Variants in ETV6 observed in about 807,000 individuals in gnomAD.
ETV6 encodes the protein transcription factor ETV6.
Under a neutral mutation model 51.1 loss-of-function variants are expected in ETV6, and 16 were observed. The ratio of observed to expected loss-of-function variants is 0.31; its 90% CI spans 0.21 to 0.48. The LOEUF (loss-of-function observed/expected upper bound fraction) is 0.48. Ranked by LOEUF, ETV6 falls within the 20% of genes least tolerant of loss-of-function variation. ETV6 has a pLI of 0.99. For synonymous variants in ETV6, 240 were observed against 224.1 expected (o/e 1.07, Z -0.64); for missense variants, 458 against 594.8 (o/e 0.77, Z 2.39).
intron 5 of ETV6, among the ~76,000 whole-genome samples, chr12:11,874,927 A>T (rs1268737679): frequency 6.7e-6 from 1 of 149,620 alleles, no homozygotes; most frequent in East Asian, 2.0e-4. Context: ...GGATAGCATT[A>T]GGAGATATAC....
chr12:11,753,218 G>A (rs1866072828), intron 2 of ETV6, among the ~76,000 whole-genome samples: 1 of 152,022 alleles, frequency 6.6e-6, no homozygotes, highest in Admixed American at 6.6e-5. Context: ...TCTACCCCTT[G>A]GCCTACCACT....
chr12:11,870,114 T>TTAG (rs1037429932), intron 5 of ETV6, 145 bp downstream of exon 5: 2 of 908,542 alleles, frequency 2.2e-6, no homozygotes, highest in African/African-American at 3.4e-5. Context: ...GGCTTCTGCT[T>TTAG]GGATGAGGCT....
chr12:11,856,736 A>G (rs1205326453), intron 4 of ETV6, among the ~76,000 whole-genome samples: 1 of 152,204 alleles, frequency 6.6e-6, no homozygotes, highest in African/African-American at 2.4e-5. Flanking sequence ...TGTTTCCAGA[A>G]TCAATACTGT....
intron 5 of ETV6, among the ~76,000 whole-genome samples, chr12:11,881,875 A>T (rs1004211100): frequency 2.6e-5 from 4 of 152,224 alleles, no homozygotes; most frequent in Non-Finnish European, 5.9e-5. Context: ...GATTATTCTC[A>T]GTCTGCAGTA....
chr12:11,651,528 T>G (rs937120987), intron 1 of ETV6, among the ~76,000 whole-genome samples: 1 of 152,222 alleles, frequency 6.6e-6, no homozygotes, highest in African/African-American at 2.4e-5. Context: ...AATGGAACTT[T>G]TAGGCTTTTG....
At chr12:11,704,359 C>CT (rs1322715769) in intron 1 of ETV6, among the ~76,000 whole-genome samples, 2 of 151,870 alleles carry the variant, frequency 1.3e-5, no homozygotes, top group Non-Finnish European at 2.9e-5. Flanking sequence ...GCCTTTTTTT[C>CT]TTTTTTTGAC....
chr12:11,869,541 C>T lies in ETV6; in HGVS notation c.581C>T (p.Pro194Leu), dbSNP rs192765271. 2 of 1,614,176 alleles carry T rather than the reference C, an allele frequency of 1.2e-6. No homozygotes were observed. Among genetic ancestry groups the T allele is most frequent in the Non-Finnish European group, 1.7e-6 (2 of 1,180,032 alleles). Residue 194 changes from proline to leucine, a missense_variant, in exon 5 of 8, where the codon CCT becomes CTT. Transcript: ENST00000396373. The surrounding 1 kb of genome is among the most constrained non-coding windows in gnomAD (Gnocchi z 5.0). ...SPITTNHRPS[P>L]DPEQRPLRSP... ...ATCACGACAAATCACCGGCCTTCTC[C>T]TGACCCCGAGCAGCGGCCCCTCCGG...
At chr12:11,656,763 C>T (rs889395966) in intron 1 of ETV6, among the ~76,000 whole-genome samples, 2 of 152,000 alleles carry the variant, frequency 1.3e-5, no homozygotes, top group Non-Finnish European at 1.5e-5. Flanking sequence ...TGCCCGGCCT[C>T]GGGCTAGACA....
intron 1 of ETV6, among the ~76,000 whole-genome samples, chr12:11,666,911 T>A (rs1371432318): frequency 2.0e-5 from 3 of 152,252 alleles, no homozygotes; most frequent in African/African-American, 4.8e-5. Context: ...TTGGCCTGTC[T>A]GTCCACTCAG....
intron 1 of ETV6, among the ~76,000 whole-genome samples, chr12:11,714,908 T>G (rs1565496215): frequency 6.6e-6 from 1 of 152,096 alleles, no homozygotes; most frequent in Non-Finnish European, 1.5e-5. Flanking sequence ...AGTTCTGTGT[T>G]TTGAAGAGAT....
chr12:11,681,556 G>A (rs11054414), intron 1 of ETV6, among the ~76,000 whole-genome samples: 3,771 of 152,052 alleles, frequency 0.025, 165 homozygotes, highest in African/African-American at 0.086. Flanking sequence ...AAATTCTCAC[G>A]TTTTATTTAT....
chr12:11,740,202 C>A (rs1351633925), intron 1 of ETV6, among the ~76,000 whole-genome samples: 1 of 152,078 alleles, frequency 6.6e-6, no homozygotes, highest in Non-Finnish European at 1.5e-5. Flanking sequence ...GTGTAGATTT[C>A]ATTTCCTTGT....
intron 1 of ETV6, chr12:11,751,423 C>G: frequency 5.8e-6 from 3 of 518,976 alleles, no homozygotes; most frequent in South Asian, 4.2e-5. Context: ...TTTACATTGC[C>G]CAGTTAAACC....
At chr12:11,884,924 T>C (rs1272642689) in intron 6 of ETV6, among the ~76,000 whole-genome samples, 1 of 152,218 alleles carries the variant, frequency 6.6e-6, no homozygotes, top group Non-Finnish European at 1.5e-5. Context: ...CAAGACTCTC[T>C]GACTCACAGG....
intron 1 of ETV6, among the ~76,000 whole-genome samples, chr12:11,698,558 G>T (rs1249680387): frequency 6.6e-6 from 1 of 151,714 alleles, no homozygotes; most frequent in Non-Finnish European, 1.5e-5. Context: ...ATACTATGTG[G>T]GCCTCCCAAC....
At chr12:11,689,276 AGAGT>A (rs1864698522) in intron 1 of ETV6, among the ~76,000 whole-genome samples, 1 of 152,112 alleles carries the variant, frequency 6.6e-6, no homozygotes, top group South Asian at 2.1e-4. Flanking sequence ...TGCAAAACCT[AGAGT>A]AAGTAGAGGA....
intron 2 of ETV6, among the ~76,000 whole-genome samples, chr12:11,814,455 A>G (rs542947957): frequency 2.6e-5 from 4 of 152,322 alleles, no homozygotes; most frequent in Admixed American, 2.6e-4. Flanking sequence ...TATTGCAGAC[A>G]TGAAAGATCA....
At chr12:11,827,070 T>TCTCA (rs368955726) in intron 2 of ETV6, among the ~76,000 whole-genome samples, 286 of 145,166 alleles carry the variant, frequency 2.0e-3, no homozygotes, top group South Asian at 9.7e-3. Flanking sequence ...GAAGTCTGTC[T>TCTCA]CACACACACA....
intron 1 of ETV6, among the ~76,000 whole-genome samples, chr12:11,696,124 C>T (rs985978606): frequency 1.3e-5 from 2 of 152,174 alleles, no homozygotes; most frequent in Non-Finnish European, 2.9e-5. Context: ...GCACACATCA[C>T]ACAGGAGAAA....
Sources: allele counts gnomAD v4.1 joint callset (sites outside exome capture counted in the v4.1 genomes callset), GRCh38; gene constraint gnomAD v4.1.1; non-coding constraint Gnocchi (gnomAD v3.1); transcripts MANE v1.5; gene names NCBI Gene and HGNC (gene_info 2026-07-23, HGNC 2026-07-21).